The following IMPA2 variants were observed in gnomAD, a reference collection of about 807,000 sequenced individuals.
IMPA2 encodes inositol monophosphatase 2.
A neutral mutation model predicts 35.1 loss-of-function variants in IMPA2; 32 were observed. The observed-to-expected ratio is 0.91, with a 90% CI of 0.69 to 1.23. The LOEUF (loss-of-function observed/expected upper bound fraction) is 1.23, where lower values mean the gene tolerates loss of function less well. Among genes scored for constraint, IMPA2 ranks in the 50% most tolerant of loss-of-function variants. The pLI, the probability that IMPA2 is intolerant of heterozygous loss-of-function variation, is 0.00. For missense variants in IMPA2, 334 were observed against 387.6 expected (o/e 0.86, Z 1.16); for synonymous variants, 135 against 160.6 (o/e 0.84, Z 1.20).
At chr18:12,029,242 G>A (rs907514073) in intron 7 of IMPA2, among the ~76,000 whole-genome samples, 1 of 146,434 alleles carries the variant, frequency 6.8e-6, no homozygotes, top group Non-Finnish European at 1.5e-5. Context: ...AGCCTCCTGA[G>A]TAGCTGTGAT....
intron 5 of IMPA2, among the ~76,000 whole-genome samples, chr18:12,022,349 T>G (rs1383732476): frequency 6.6e-6 from 1 of 151,642 alleles, no homozygotes; most frequent in Non-Finnish European, 1.5e-5. Context: ...CTGGCCAACA[T>G]GGAGAAACCC....
intron 1 of IMPA2, among the ~76,000 whole-genome samples, chr18:11,995,908 C>G (rs1210889956): frequency 6.6e-6 from 1 of 152,176 alleles, no homozygotes; most frequent in Non-Finnish European, 1.5e-5. Flanking sequence ...GTATGTGTAT[C>G]TGCTGAATGC....
intron 1 of IMPA2, among the ~76,000 whole-genome samples, chr18:11,994,635 TC>T (rs1301042637): frequency 1.3e-5 from 2 of 152,352 alleles, no homozygotes; most frequent in African/African-American, 4.8e-5. Context: ...TACAAAATCT[TC>T]TAGCATTTAG....
intron 6 of IMPA2, chr18:12,028,428 T>TA (rs1568040078): frequency 4.2e-6 from 2 of 480,856 alleles, no homozygotes; most frequent in Admixed American, 3.4e-5. Flanking sequence ...TGCAAATACT[T>TA]ACAGTCCTTC....
chr18:11,985,581 C>G (rs1033964705), intron 1 of IMPA2, among the ~76,000 whole-genome samples: 5 of 152,182 alleles, frequency 3.3e-5, no homozygotes, highest in African/African-American at 1.2e-4. Flanking sequence ...GTAAGTGAGT[C>G]TGTTTTTCAC....
At chr18:11,981,835 G>A (rs1906508080) in intron 1 of IMPA2, 70 bp downstream of exon 1, 1 of 1,051,398 alleles carries the variant, frequency 9.5e-7, no homozygotes, top group Non-Finnish European at 1.2e-6. Context: ...GCCGCCTGGA[G>A]TGGCGGGGTC....
rs758359271 is a variant in IMPA2 at position 12,014,301 on chromosome 18, C to T, written c.418C>T (p.Arg140Trp). Residue 140 changes from arginine to tryptophan, a missense_variant, in exon 5 of 8, where the codon CGG becomes TGG. By Grantham distance (101) the Arg-to-Trp change is moderately radical. Coordinates refer to ENST00000269159, the MANE Select transcript of IMPA2 (RefSeq NM_014214.3). Reference sequence around the variant, plus strand: ...AGTGATTTACCACTGCACAGAGGAGCGGCTGTACACGGGCCGGCGGGGTCG... The same window carrying T: ...AGTGATTTACCACTGCACAGAGGAGTGGCTGTACACGGGCCGGCGGGGTCG... ...FGVIYHCTEE[R>W]LYTGRRGRGA... The T allele has an allele frequency of 2.4e-5, 39 of 1,613,342 alleles. No homozygotes were observed. The highest frequency in any genetic ancestry group is 3.1e-5 in the Non-Finnish European group (36 of 1,179,764).
chr18:12,005,317 T>TA (rs1246134562), intron 2 of IMPA2, among the ~76,000 whole-genome samples: 2 of 152,024 alleles, frequency 1.3e-5, no homozygotes, highest in Non-Finnish European at 2.9e-5. Flanking sequence ...GTTATTCTCA[T>TA]AAAAAATGTG....
intron 5 of IMPA2, among the ~76,000 whole-genome samples, chr18:12,024,774 G>T (rs1470781844): frequency 6.6e-6 from 1 of 150,488 alleles, no homozygotes; most frequent in Non-Finnish European, 1.5e-5. Flanking sequence ...GTTTTTTAGA[G>T]TAACGGTTTT....
intron 1 of IMPA2, among the ~76,000 whole-genome samples, chr18:11,986,913 T>C (rs1288102085): frequency 1.3e-5 from 2 of 152,264 alleles, no homozygotes; most frequent in Non-Finnish European, 2.9e-5. Context: ...TAACTCATGG[T>C]TCAGCCCGGC....
chr18:12,010,086 A>G lies in IMPA2; in HGVS notation c.335+99A>G. The stretch of plus-strand genomic sequence containing the variant: ...GCAGCATTTTTTAAGGCAGGAATAT[A>G]TAAACAAACCTATAGTACACTCATA... On this transcript the variant is annotated intron_variant, in intron 3 of 7. Transcript: ENST00000269159. The surrounding 1 kb of genome is among the most constrained non-coding windows in gnomAD (Gnocchi z 4.8). 1.2e-6 allele frequency: 1 copy of G among 818,254 alleles called. No homozygotes were observed. Among genetic ancestry groups the G allele is most frequent in the South Asian group, 1.4e-5 (1 of 69,460 alleles). The allele number at this position is 818,254 out of a possible 1,614,324, so 50.7% of individuals were successfully genotyped here.
At chr18:12,017,496 G>T (rs1193028520) in intron 5 of IMPA2, 2 of 269,646 alleles carry the variant, frequency 7.4e-6, no homozygotes, top group South Asian at 3.0e-5. Context: ...GCCTCCTAAG[G>T]TCATAGTCTG....
rs183487485 is a variant in IMPA2 at position 12,029,889 on chromosome 18, C to T, written c.752-454C>T. On this transcript the variant is annotated intron_variant, in intron 7 of 7. Coordinates refer to ENST00000269159, the MANE Select transcript of IMPA2 (RefSeq NM_014214.3). The stretch of plus-strand genomic sequence containing the variant: ...CCCGAGCTTCTTCGAGTGTGGGTCC[C>T]GCAGCAGCGGTGCACCCCCAGGAGC... Among the ~76,000 whole-genome samples, 140 of 152,344 alleles carry T rather than the reference C, an allele frequency of 9.2e-4. No individual in the cohort carries two copies. The Middle Eastern group carries it at 0.014, about 15-fold the overall frequency.
At position 11,992,360 on chromosome 18, in the gene IMPA2, G is replaced by A. The variant is rs59907981; in HGVS notation, c.97-6694G>A. Among the ~76,000 whole-genome samples the A allele has an allele frequency of 9.4e-3, 1,438 of 152,344 alleles. 27 individuals are homozygous for A. Among genetic ancestry groups the A allele is most frequent in the African/African-American group, 0.033 (1,361 of 41,576 alleles). ...AACTGCACTCTGGCAAGGCTCCGGC[G>A]TGCTGCTCTGTGGATGATGCACAGG... is the stretch of plus-strand genomic sequence containing the variant. On this transcript the variant is annotated intron_variant, in intron 1 of 7. Coordinates refer to ENST00000269159, the MANE Select transcript of IMPA2 (RefSeq NM_014214.3).
intron 5 of IMPA2, among the ~76,000 whole-genome samples, chr18:12,022,528 A>AAATATATATAT (rs68185380): frequency 0.17 from 16,099 of 96,550 alleles, 2,871 homozygotes; most frequent in Non-Finnish European, 0.23. Context: ...TCTCAAAAAG[A>AAATATATATAT]ATATATATAT....
At chr18:11,988,485 T>A (rs1906726380) in intron 1 of IMPA2, among the ~76,000 whole-genome samples, 1 of 152,130 alleles carries the variant, frequency 6.6e-6, no homozygotes, top group African/African-American at 2.4e-5. Flanking sequence ...GGACTCTATA[T>A]AGGGGACCAC....
At chr18:12,007,670 T>TCTTTCTTTCTTTCTTTCCTTTCTTTC (rs764225886) in intron 2 of IMPA2, among the ~76,000 whole-genome samples, 9 of 98,006 alleles carry the variant, frequency 9.2e-5, no homozygotes, top group African/African-American at 3.0e-4. Flanking sequence ...TTTCTTTCTT[T>TCTTTCTTTCTTTCTTTCCTTTCTTTC]CTTTCTTTCC....
At chr18:12,003,851 T>G (rs1598692708) in intron 2 of IMPA2, among the ~76,000 whole-genome samples, 1 of 152,248 alleles carries the variant, frequency 6.6e-6, no homozygotes, top group Non-Finnish European at 1.5e-5. Flanking sequence ...TGGAAAAGAT[T>G]CAGTAGCATC....
intron 5 of IMPA2, among the ~76,000 whole-genome samples, chr18:12,018,511 A>G (rs989509906): frequency 6.6e-6 from 1 of 152,216 alleles, no homozygotes; most frequent in Non-Finnish European, 1.5e-5. Context: ...TGTGAAGTAC[A>G]TTCTCTAGTA....
Sources: gnomAD v4.1 joint callset for allele counts (sites outside exome capture counted in the v4.1 genomes callset) on GRCh38, gnomAD v4.1.1 for gene constraint, Gnocchi (gnomAD v3.1) non-coding constraint, MANE v1.5 for transcripts, NCBI Gene and HGNC (gene_info 2026-07-23, HGNC 2026-07-21) for gene names.